Variants in ZPBP observed in about 807,000 individuals in gnomAD.
The protein encoded by ZPBP is zona pellucida binding protein, also known as zona pellucida-binding protein 1.
In ZPBP, 26 loss-of-function variants were observed where a neutral mutation model predicts 44.8. The ratio of observed to expected loss-of-function variants is 0.58; its 90% confidence interval spans 0.43 to 0.81. The LOEUF (loss-of-function observed/expected upper bound fraction) is 0.81. Ranked by LOEUF, ZPBP falls within the 30% of genes least tolerant of loss-of-function variation. The probability of loss-of-function intolerance (pLI) is 0.00; values close to 1 mark genes in which losing one functional copy is unlikely to be tolerated. For missense variants in ZPBP, 409 were observed against 434.0 expected (o/e 0.94, Z 0.51); for synonymous variants, 174 against 153.2 (o/e 1.14, Z -1.00).
chr7:49,969,983 C>T (rs1796232442), intron 7 of ZPBP, among the ~76,000 whole-genome samples: 1 of 151,028 alleles, frequency 6.6e-6, no homozygotes, highest in Non-Finnish European at 1.5e-5. Flanking sequence ...TCTCGGCTTC[C>T]CTAGTAGCTG....
chr7:49,855,529 C>T (rs998988037), intron 2 of ZPBP, among the ~76,000 whole-genome samples: 1 of 152,150 alleles, frequency 6.6e-6, no homozygotes, highest in African/African-American at 2.4e-5. Flanking sequence ...AAGGAAGGCT[C>T]AGCGAGGACA....
intron 1 of ZPBP, among the ~76,000 whole-genome samples, chr7:49,930,494 G>A (rs1794409366): frequency 6.6e-6 from 1 of 151,936 alleles, no homozygotes; most frequent in African/African-American, 2.4e-5. Flanking sequence ...TATTACATGA[G>A]GAAAGTTAAA....
rs868419549 is a variant in ZPBP at position 49,861,028 on chromosome 7, A to G, written n.510-10514T>C. Among the ~76,000 whole-genome samples the G allele has an allele frequency of 3.9e-5, 6 of 152,336 alleles. 1 individual carries two copies. The highest frequency in any genetic ancestry group is 6.8e-3 in the Middle Eastern group (2 of 294). On this transcript the variant is annotated intron_variant and non_coding_transcript_variant, in intron 2 of 2. Coordinates refer to the ZPBP transcript ENST00000465922. Reference sequence around the variant, plus strand: ...AAATGGTAGCTCTAGGGAACTAAGAAAGTAACTCTGTTTTAATGTTTTTAA... The same window carrying G: ...AAATGGTAGCTCTAGGGAACTAAGAGAGTAACTCTGTTTTAATGTTTTTAA...
rs555319737 is a variant in ZPBP at position 50,025,702 on chromosome 7, G to A, written c.706+5390C>T. ...AACAAAGAAAATTAAAGTGACCTTGGGTTTGTTAATGACTTTTTACATACA... is the reference window on the plus strand; with the variant it reads ...AACAAAGAAAATTAAAGTGACCTTGAGTTTGTTAATGACTTTTTACATACA... On this transcript the variant is annotated intron_variant, in intron 5 of 7. Coordinates refer to ENST00000046087, the MANE Select transcript of ZPBP (RefSeq NM_007009.3). Among the ~76,000 whole-genome samples the A allele has an allele frequency of 1.1e-3, 169 of 151,716 alleles. 1 individual carries two copies. The highest frequency in any genetic ancestry group is 2.1e-3 in the Non-Finnish European group (141 of 67,772).
intron 6 of ZPBP, among the ~76,000 whole-genome samples, chr7:50,011,103 T>C (rs993696292): frequency 6.6e-6 from 1 of 151,770 alleles, no homozygotes. Flanking sequence ...AACCAAAACA[T>C]AAAGTGAGGA....
intron 3 of ZPBP, among the ~76,000 whole-genome samples, chr7:50,072,206 T>G (rs73340153): frequency 6.6e-6 from 1 of 152,246 alleles, no homozygotes; most frequent in African/African-American, 2.4e-5. Flanking sequence ...TTGGTGGTAG[T>G]TGGCAATAAT....
intron 3 of ZPBP, among the ~76,000 whole-genome samples, chr7:50,077,283 A>G (rs1802143953): frequency 6.6e-6 from 1 of 151,940 alleles, no homozygotes; most frequent in African/African-American, 2.4e-5. Context: ...TAATACCTCA[A>G]ACTCTGAAAC....
At chr7:50,076,551 G>A (rs1049014392) in intron 3 of ZPBP, among the ~76,000 whole-genome samples, 20 of 151,308 alleles carry the variant, frequency 1.3e-4, no homozygotes, top group Non-Finnish European at 3.0e-4. Context: ...TAACCAATAA[G>A]CAAGTAAAAT....
intron 6 of ZPBP, among the ~76,000 whole-genome samples, chr7:49,997,938 G>A (rs1174782609): frequency 6.6e-6 from 1 of 150,562 alleles, no homozygotes; most frequent in Non-Finnish European, 1.5e-5. Flanking sequence ...TTATTTTTGA[G>A]ACAGAGTCTC....
chr7:49,848,807 C>CA (rs1255870057), downstream of ZPBP, among the ~76,000 whole-genome samples: 1 of 152,182 alleles, frequency 6.6e-6, no homozygotes, highest in African/African-American at 2.4e-5. Context: ...TTTTATGCCA[C>CA]AATTCAAATA....
chr7:49,924,113 ACT>A (rs1347107587), intron 1 of ZPBP, among the ~76,000 whole-genome samples: 1 of 150,630 alleles, frequency 6.6e-6, no homozygotes, highest in Non-Finnish European at 1.5e-5. Flanking sequence ...ACAGAGCGAG[ACT>A]CTGTCTCAAA....
chr7:50,088,741 AAAG>A (rs1267252455), intron 2 of ZPBP, among the ~76,000 whole-genome samples: 1 of 152,030 alleles, frequency 6.6e-6, no homozygotes, highest in African/African-American at 2.4e-5. Context: ...AGCTATAAAA[AAAG>A]AAGATGGATA....
intron 2 of ZPBP, among the ~76,000 whole-genome samples, chr7:49,862,028 T>C (rs1790670063): frequency 6.6e-6 from 1 of 152,210 alleles, no homozygotes; most frequent in East Asian, 1.9e-4. Context: ...GTTGTTGGAA[T>C]TTTGAAAGGG....
chr7:50,084,551 A>G (rs149361954), intron 2 of ZPBP, among the ~76,000 whole-genome samples: 2 of 152,108 alleles, frequency 1.3e-5, no homozygotes, highest in African/African-American at 4.8e-5. Flanking sequence ...AAAGTGGCCA[A>G]CACAGACAGA....
intron 3 of ZPBP, among the ~76,000 whole-genome samples, chr7:50,059,542 T>G (rs867853596): frequency 6.6e-6 from 1 of 152,310 alleles, no homozygotes; most frequent in Middle Eastern, 3.4e-3. Flanking sequence ...CCAAGTCTTT[T>G]ATAAACGAAG....
chr7:50,089,807 C>T, intron 1 of ZPBP, 98 bp from the exon 2 acceptor site: 1 of 926,172 alleles, frequency 1.1e-6, no homozygotes, highest in Admixed American at 2.0e-5. Flanking sequence ...AGGGGAGAGC[C>T]ATAATTCAAT....
chr7:49,930,571 G>C (rs546681032), intron 1 of ZPBP, among the ~76,000 whole-genome samples: 1 of 152,086 alleles, frequency 6.6e-6, no homozygotes, highest in Non-Finnish European at 1.5e-5. Context: ...CACATTAAAT[G>C]AATGACTTAA....
chr7:49,912,231 T>C, intron 1 of ZPBP: 4 of 1,606,964 alleles, frequency 2.5e-6, no homozygotes, highest in Non-Finnish European at 3.4e-6. Context: ...AACATTTTAC[T>C]GATGTGAACA....
intron 2 of ZPBP, among the ~76,000 whole-genome samples, chr7:49,859,382 A>T (rs1790557132): frequency 6.6e-6 from 1 of 152,190 alleles, no homozygotes; most frequent in Non-Finnish European, 1.5e-5. Flanking sequence ...TCTCATATAT[A>T]TCCTCCTTAA....
Sources: allele counts gnomAD v4.1 joint callset (sites outside exome capture counted in the v4.1 genomes callset), GRCh38; gene constraint gnomAD v4.1.1; transcripts MANE v1.5; gene names NCBI Gene and HGNC (gene_info 2026-07-23, HGNC 2026-07-21).